CUTC: variants seen among roughly 807,000 people sequenced by gnomAD.
CUTC encodes copper homeostasis protein cutC homolog.
CUTC carries 27 observed loss-of-function variants against 36.2 expected under a neutral mutation model. The observed-to-expected ratio is 0.75, with a 90% CI of 0.55 to 1.03. CUTC has a LOEUF of 1.03. Among genes scored for constraint, CUTC ranks in the 50% least tolerant of loss-of-function variants. The pLI is 0.00. For missense variants in CUTC, 315 were observed against 343.5 expected (o/e 0.92, Z 0.66); for synonymous variants, 114 against 118.3 (o/e 0.96, Z 0.24).
intron 7 of CUTC, among the ~76,000 whole-genome samples, chr10:99,751,906 T>C (rs2037421786): frequency 6.6e-6 from 1 of 152,210 alleles, no homozygotes; most frequent in Admixed American, 6.5e-5. Context: ...TGTCCTACTT[T>C]CTGGATTTAT....
At chr10:99,746,597 T>G (rs981549929) in intron 5 of CUTC, among the ~76,000 whole-genome samples, 1 of 152,118 alleles carries the variant, frequency 6.6e-6, no homozygotes, top group Non-Finnish European at 1.5e-5. Flanking sequence ...TATCTGCATT[T>G]AAGTAAATAT....
intron 1 of CUTC, chr10:99,732,663 T>C: frequency 7.3e-7 from 1 of 1,371,786 alleles, no homozygotes; most frequent in Non-Finnish European, 9.4e-7. Flanking sequence ...CCTGCGACCT[T>C]GTGCAAGTTG....
intron 2 of CUTC, 55 bp from the exon 3 acceptor site, chr10:99,739,655 G>A (rs1672284528): frequency 6.6e-7 from 1 of 1,525,960 alleles, no homozygotes; most frequent in South Asian, 1.2e-5. Flanking sequence ...ACAGGTTGCT[G>A]TTTAATAACA....
intron 5 of CUTC, among the ~76,000 whole-genome samples, chr10:99,745,645 T>C (rs1269506441): frequency 6.6e-6 from 1 of 152,040 alleles, no homozygotes; most frequent in Admixed American, 6.5e-5. Context: ...GATCACAAGG[T>C]TAGGAGATTG....
intron 7 of CUTC, among the ~76,000 whole-genome samples, chr10:99,751,910 G>T (rs1357198022): frequency 6.6e-6 from 1 of 152,152 alleles, no homozygotes; most frequent in Non-Finnish European, 1.5e-5. Context: ...CTACTTTCTG[G>T]ATTTATCAGA....
chr10:99,734,781 GTGA>G (rs2037281087), intron 1 of CUTC, among the ~76,000 whole-genome samples: 1 of 152,160 alleles, frequency 6.6e-6, no homozygotes, highest in African/African-American at 2.4e-5. Context: ...CTTGGTGTGG[GTGA>G]TGATAAAGAT....
Position 99,755,552 on chromosome 10 carries a change from T to G in CUTC, c.708-73T>G. The G allele has an allele frequency of 4.4e-6, 4 of 903,064 alleles. No homozygotes were observed. In the South Asian group the frequency reaches 5.7e-5, roughly 13 times the overall value. The allele number at this position is 903,064 out of a possible 1,614,324, so 55.9% of individuals were successfully genotyped here. ...CCTACCCTTGTATCATGAAATAGTC[T>G]ATAAAATGAAGCGGCAGTAGGAGGG... On this transcript the variant is annotated intron_variant, in intron 8 of 8. Transcript: ENST00000370476.
intron 1 of CUTC, among the ~76,000 whole-genome samples, chr10:99,735,600 G>T (rs1434328768): frequency 6.6e-6 from 1 of 152,152 alleles, no homozygotes; most frequent in African/African-American, 2.4e-5. Context: ...TAGAGACAGG[G>T]TTTTACCATG....
intron 3 of CUTC, among the ~76,000 whole-genome samples, chr10:99,741,514 C>G (rs1211244721): frequency 2.0e-5 from 3 of 151,872 alleles, no homozygotes; most frequent in Non-Finnish European, 4.4e-5. Context: ...TTCTTTCATT[C>G]CTTCCTTTCC....
At chr10:99,748,829 G>A (rs531799765) in intron 6 of CUTC, among the ~76,000 whole-genome samples, 2 of 152,162 alleles carry the variant, frequency 1.3e-5, no homozygotes, top group African/African-American at 2.4e-5. Flanking sequence ...AAAACAAATA[G>A]TATAAGCAAG....
Position 99,750,430 on chromosome 10 carries a change from A to G in CUTC, c.601+34A>G, listed in dbSNP as rs545506323. The G allele has an allele frequency of 2.6e-6, 4 of 1,563,648 alleles. No individual in the cohort carries two copies. In the East Asian group the frequency reaches 9.2e-5, roughly 36 times the overall value. ...TTATCTATCAATTCACTAGCATAAC[A>G]CTGAACTATAGTGGAGGAAGAGCAA... On this transcript the variant is annotated intron_variant, in intron 7 of 8. Transcript: ENST00000370476.
chr10:99,734,970 C>T (rs2037282662), intron 1 of CUTC, among the ~76,000 whole-genome samples: 1 of 151,838 alleles, frequency 6.6e-6, no homozygotes, highest in South Asian at 2.1e-4. Context: ...GGTGTTGTGG[C>T]ACATACCTGT....
intron 2 of CUTC, among the ~76,000 whole-genome samples, chr10:99,737,668 A>C (rs551295431): frequency 6.6e-6 from 1 of 152,198 alleles, no homozygotes; most frequent in Non-Finnish European, 1.5e-5. Flanking sequence ...TTGTTTTTCA[A>C]AAAGAATACA....
chr10:99,737,925 G>A (rs917511314), intron 2 of CUTC, among the ~76,000 whole-genome samples: 1 of 152,122 alleles, frequency 6.6e-6, no homozygotes, highest in African/African-American at 2.4e-5. Context: ...GAGGCGGGCG[G>A]ATCACCTGAG....
intron 1 of CUTC, among the ~76,000 whole-genome samples, chr10:99,734,000 T>A (rs552350995): frequency 3.3e-5 from 5 of 151,888 alleles, no homozygotes; most frequent in Non-Finnish European, 5.9e-5. Context: ...GAGTTAATAA[T>A]GCAGAGCTGT....
intron 4 of CUTC, among the ~76,000 whole-genome samples, chr10:99,743,758 A>T (rs997704344): frequency 6.6e-6 from 1 of 152,256 alleles, no homozygotes; most frequent in African/African-American, 2.4e-5. Context: ...GAATGACCTC[A>T]GAGGGACAAG....
At chr10:99,742,868 G>A (rs1329366050) in intron 3 of CUTC, among the ~76,000 whole-genome samples, 2 of 152,170 alleles carry the variant, frequency 1.3e-5, no homozygotes, top group Non-Finnish European at 2.9e-5. Context: ...AGAACATCGA[G>A]CCTGGTAGTT....
At chr10:99,738,387 A>G (rs1315665986) in intron 2 of CUTC, among the ~76,000 whole-genome samples, 3 of 82,016 alleles carry the variant, frequency 3.7e-5, no homozygotes, top group Non-Finnish European at 5.0e-5. Flanking sequence ...TGACTCATAC[A>G]GGGTGTGTGT....
intron 1 of CUTC, among the ~76,000 whole-genome samples, chr10:99,735,878 G>A (rs531038498): frequency 2.0e-5 from 3 of 152,270 alleles, no homozygotes; most frequent in African/African-American, 4.8e-5. Context: ...TTTGAAGTCT[G>A]TCCTGCTTTT....
Sources: allele counts gnomAD v4.1 joint callset (sites outside exome capture counted in the v4.1 genomes callset), GRCh38; gene constraint gnomAD v4.1.1; transcripts MANE v1.5; gene names NCBI Gene and HGNC (gene_info 2026-07-23, HGNC 2026-07-21).